The following SDK1 variants were observed in gnomAD, a reference collection of about 807,000 sequenced individuals.
SDK1 encodes protein sidekick-1.
Under a neutral mutation model 245.5 loss-of-function variants are expected in SDK1, and 157 were observed. The ratio of observed to expected loss-of-function variants is 0.64; its 90% CI spans 0.56 to 0.73. The LOEUF is 0.73. Among genes scored for constraint, SDK1 ranks in the 30% least tolerant of loss-of-function variants. The probability of loss-of-function intolerance (pLI) is 0.00; values close to 1 mark genes in which losing one functional copy is unlikely to be tolerated. For synonymous variants in SDK1, 1,647 were observed against 1,278.5 expected (o/e 1.29, Z -6.15); for missense variants, 3,583 against 3,002.3 (o/e 1.19, Z -4.52).
At chr7:3,837,714 A>G (rs1011078665) in intron 5 of SDK1, among the ~76,000 whole-genome samples, 2 of 152,218 alleles carry the variant, frequency 1.3e-5, no homozygotes, top group Non-Finnish European at 2.9e-5. Context: ...CTATTTTTAC[A>G]TGGAGCTATT....
intron 38 of SDK1, among the ~76,000 whole-genome samples, chr7:4,214,011 A>G (rs78250309): frequency 0.17 from 25,631 of 152,194 alleles, 2,256 homozygotes; most frequent in Middle Eastern, 0.21. Flanking sequence ...AACATCCGCT[A>G]TCTCCAAATC....
rs914402348 is a variant in SDK1 at position 3,965,563 on chromosome 7, G to C, written c.1430-1755G>C. 3.9e-4 allele frequency among the ~76,000 whole-genome samples: 60 copies of C among 152,146 alleles called. 1 individual carries two copies. The highest frequency in any genetic ancestry group is 1.6e-4 in the Non-Finnish European group (11 of 68,030). On this transcript the variant is annotated intron_variant, in intron 9 of 44. Transcript: ENST00000404826. ...TGCTTTAAAAAATCGATATTGATTT[G>C]CTCATTTAGCAAGCGGCTGCTGAGC... is the stretch of plus-strand genomic sequence containing the variant.
chr7:3,495,941 C>A (rs1007116150), intron 1 of SDK1, among the ~76,000 whole-genome samples: 1 of 152,146 alleles, frequency 6.6e-6, no homozygotes, highest in South Asian at 2.1e-4. Context: ...TTCACAGATT[C>A]CAGAAGAATT....
chr7:3,869,157 T>C (rs928674236), intron 5 of SDK1, among the ~76,000 whole-genome samples: 7 of 147,858 alleles, frequency 4.7e-5, no homozygotes, highest in Admixed American at 1.3e-4. Flanking sequence ...TCATTTCTTT[T>C]TTTTTTTTTT....
At chr7:3,617,861 TG>T in intron 1 of SDK1, among the ~76,000 whole-genome samples, 1 of 152,274 alleles carries the variant, frequency 6.6e-6, no homozygotes, top group South Asian at 2.1e-4. Context: ...TCATGAGTTT[TG>T]GAGGGGACAT....
At chr7:3,513,114 TTAA>T (rs1377011302) in intron 1 of SDK1, among the ~76,000 whole-genome samples, 1 of 152,168 alleles carries the variant, frequency 6.6e-6, no homozygotes, top group African/African-American at 2.4e-5. Context: ...AATGTTTATA[TTAA>T]TAAAAATACT....
chr7:3,733,243 G>C (rs1045188992), intron 4 of SDK1, among the ~76,000 whole-genome samples: 1 of 152,118 alleles, frequency 6.6e-6, no homozygotes, highest in Admixed American at 6.6e-5. Flanking sequence ...ACCAAATTTA[G>C]TATCCCAGAA....
chr7:3,550,745 A>T (rs751917461), intron 1 of SDK1, among the ~76,000 whole-genome samples: 1 of 152,228 alleles, frequency 6.6e-6, no homozygotes, highest in Non-Finnish European at 1.5e-5. Context: ...GGATATTACT[A>T]TGACAAGTGA....
intron 1 of SDK1, among the ~76,000 whole-genome samples, chr7:3,322,532 C>A (rs898614778): frequency 3.9e-5 from 6 of 152,282 alleles, no homozygotes; most frequent in African/African-American, 1.2e-4. Flanking sequence ...TCCTGTGTTT[C>A]ACTTTTCAAG....
At chr7:3,429,336 A>G (rs977840176) in intron 1 of SDK1, among the ~76,000 whole-genome samples, 3 of 151,934 alleles carry the variant, frequency 2.0e-5, no homozygotes, top group Non-Finnish European at 4.4e-5. Flanking sequence ...AGCAGGTGTT[A>G]TAGTTGTTAT....
intron 42 of SDK1, among the ~76,000 whole-genome samples, chr7:4,240,883 G>C (rs1046349024): frequency 1.3e-5 from 2 of 152,176 alleles, no homozygotes; most frequent in Non-Finnish European, 2.9e-5. Flanking sequence ...GCCCCAGGGG[G>C]AGAAACCCGT....
chr7:3,795,825 A>T (rs1370708624), intron 4 of SDK1, among the ~76,000 whole-genome samples: 2 of 152,184 alleles, frequency 1.3e-5, no homozygotes, highest in Non-Finnish European at 2.9e-5. Flanking sequence ...ACTTCGAGTC[A>T]AGTAGTAAAA....
intron 4 of SDK1, among the ~76,000 whole-genome samples, chr7:3,727,903 C>T (rs554311936): frequency 6.6e-6 from 1 of 152,312 alleles, no homozygotes; most frequent in East Asian, 1.9e-4. Context: ...TCCAGGATCC[C>T]ATCCAGGATA....
chr7:3,987,986 G>A (rs780475416), intron 14 of SDK1, among the ~76,000 whole-genome samples: 2 of 151,990 alleles, frequency 1.3e-5, no homozygotes, highest in Non-Finnish European at 2.9e-5. Flanking sequence ...ATTTTAAGTG[G>A]CATATTTTCC....
intron 14 of SDK1, among the ~76,000 whole-genome samples, chr7:3,998,744 A>G (rs1304789109): frequency 6.6e-6 from 1 of 152,216 alleles, no homozygotes; most frequent in Non-Finnish European, 1.5e-5. Flanking sequence ...TTTTCTAACA[A>G]TGTGCGGGAG....
chr7:3,878,157 A>G (rs1237598816), intron 5 of SDK1, among the ~76,000 whole-genome samples: 1 of 152,260 alleles, frequency 6.6e-6, no homozygotes. Flanking sequence ...GTTTCTCCCC[A>G]AAATCAAACA....
intron 35 of SDK1, among the ~76,000 whole-genome samples, chr7:4,182,021 G>A (rs1472797165): frequency 6.6e-6 from 1 of 152,184 alleles, no homozygotes; most frequent in Non-Finnish European, 1.5e-5. Context: ...CCAGGTTCAA[G>A]CAATTCTCCT....
intron 1 of SDK1, among the ~76,000 whole-genome samples, chr7:3,314,573 T>G (rs1436104810): frequency 6.6e-6 from 1 of 152,206 alleles, no homozygotes; most frequent in South Asian, 2.1e-4. Context: ...CAACTTGATA[T>G]GATTGGTTGA....
Position 3,324,339 on chromosome 7 carries a change from C to G in SDK1, c.298+22455C>G, listed in dbSNP as rs145379453. ...ATGCACATGTAATTAATACCCAAAT[C>G]AAAGCATTAGAATATTTACTAGTAC... On this transcript the variant is annotated intron_variant, in intron 1 of 44. Transcript: ENST00000404826. Among the ~76,000 whole-genome samples, 6 of 152,264 alleles carry G rather than the reference C, an allele frequency of 3.9e-5. No individual in the cohort carries two copies. In the East Asian group the frequency reaches 1.2e-3, roughly 29 times the overall value.
Sources: allele counts gnomAD v4.1 joint callset (sites outside exome capture counted in the v4.1 genomes callset), GRCh38; gene constraint gnomAD v4.1.1; transcripts MANE v1.5; gene names NCBI Gene and HGNC (gene_info 2026-07-23, HGNC 2026-07-21).